IGSF21: variants seen among roughly 807,000 people sequenced by gnomAD.
IGSF21 encodes the protein immunoglobulin superfamily member 21.
A neutral mutation model predicts 46.8 loss-of-function variants in IGSF21; 28 were observed. The ratio of observed to expected loss-of-function variants is 0.60; its 90% CI spans 0.44 to 0.82. The LOEUF (loss-of-function observed/expected upper bound fraction) is 0.82. Among genes scored for constraint, IGSF21 ranks in the 40% least tolerant of loss-of-function variants. The pLI is 0.00. For synonymous variants in IGSF21, 284 were observed against 273.6 expected, an observed-to-expected ratio of 1.04 and a Z score of -0.38; for missense variants, 624 against 665.5, an observed-to-expected ratio of 0.94 and a Z score of 0.69.
intron 2 of IGSF21, among the ~76,000 whole-genome samples, chr1:18,260,039 C>A (rs2084931880): frequency 6.6e-6 from 1 of 152,212 alleles, no homozygotes; most frequent in East Asian, 1.9e-4. Flanking sequence ...ATAAAAACAT[C>A]CCCCTCATCG....
intron 2 of IGSF21, among the ~76,000 whole-genome samples, chr1:18,252,055 T>TTTG (rs950799334): frequency 1.5e-5 from 2 of 135,500 alleles, no homozygotes; most frequent in East Asian, 4.4e-4. Context: ...GTTTTTTTTT[T>TTTG]TTTTTTTTTT....
intron 2 of IGSF21, among the ~76,000 whole-genome samples, chr1:18,235,384 T>C (rs2084663390): frequency 6.6e-6 from 1 of 152,102 alleles, no homozygotes; most frequent in Admixed American, 6.5e-5. Flanking sequence ...GTTAAAAAGA[T>C]AAACAAATAA....
chr1:18,365,390 C>G lies in IGSF21; in HGVS notation c.708C>G (p.Asn236Lys), dbSNP rs991946488. ...QKSLSLLDAE[N>K]RGGRPYTERP... ...CACTGTCCCTCCTGGACGCCGAGAA[C>G]CGGGGTGGGCGACCCTACACGGAGC... Residue 236 changes from asparagine (N) to lysine (K), a missense_variant, in exon 6 of 10, where the codon AAC (asparagine) becomes AAG (lysine). Transcript: ENST00000251296. This position sits in a 1 kb window ranked among gnomAD's most constrained non-coding sequence, Gnocchi z 4.8. The G allele has an allele frequency of 1.9e-6, 3 of 1,614,054 alleles. No homozygotes were observed. Among genetic ancestry groups the G allele is most frequent in the East Asian group, 2.2e-5 (1 of 44,842 alleles).
At chr1:18,142,130 A>G (rs549966461) in intron 1 of IGSF21, among the ~76,000 whole-genome samples, 1 of 152,354 alleles carries the variant, frequency 6.6e-6, no homozygotes, top group East Asian at 1.9e-4. Context: ...AAAAATAAAC[A>G]AAACCAAAAC....
rs1307665703 is a variant in IGSF21 at position 18,365,611 on chromosome 1, AC to A, written c.932del (p.Pro311HisfsTer37). On this transcript the variant is annotated frameshift_variant, in exon 6 of 10. Transcript: ENST00000251296. LOFTEE classifies it high-confidence loss of function. The surrounding 1 kb of genome is among the most constrained non-coding windows in gnomAD (Gnocchi z 4.8). Reference sequence around the variant, plus strand: ...CGTGCCCTGCTCACCTGGACCCTCAACCCACAGATCGACAACGAGGCCCTCT... The same window carrying A: ...CGTGCCCTGCTCACCTGGACCCTCAACCACAGATCGACAACGAGGCCCTCT... ...EVRALLTWTL[N>X]PQIDNEALFS... The A allele has an allele frequency of 6.2e-7, 1 of 1,614,066 alleles. No individual in the cohort carries two copies. Among genetic ancestry groups the A allele is most frequent in the African/African-American group, 1.3e-5 (1 of 74,928 alleles).
At chr1:18,294,351 C>CA (rs983703872) in intron 3 of IGSF21, among the ~76,000 whole-genome samples, 33 of 152,068 alleles carry the variant, frequency 2.2e-4, no homozygotes, top group Non-Finnish European at 4.0e-4. Context: ...TAAAACAAAA[C>CA]AAAAAAAATT....
At chr1:18,138,106 G>T (rs923420428) in intron 1 of IGSF21, among the ~76,000 whole-genome samples, 2 of 152,172 alleles carry the variant, frequency 1.3e-5, no homozygotes, top group African/African-American at 4.8e-5. Context: ...CTGCCCCAGG[G>T]TTGGGCTGAA....
At position 18,175,485 on chromosome 1, in the gene IGSF21, C is replaced by T. The variant is rs145322211; in HGVS notation, c.71-52413C>T. ...GGAAGATGCCATGGAATAACAAGGGCAGCTCCTTGAGGGATGCTGCGGGGA... is the reference window on the plus strand; with the variant it reads ...GGAAGATGCCATGGAATAACAAGGGTAGCTCCTTGAGGGATGCTGCGGGGA... On this transcript the variant is annotated intron_variant, in intron 1 of 9. Coordinates refer to ENST00000251296, the MANE Select transcript of IGSF21 (RefSeq NM_032880.5). 3.9e-5 allele frequency among the ~76,000 whole-genome samples: 6 copies of T among 152,306 alleles called. No homozygotes were observed. The East Asian group carries it at 1.2e-3, about 29-fold the overall frequency.
intron 1 of IGSF21, among the ~76,000 whole-genome samples, chr1:18,129,892 G>T (rs569208339): frequency 6.6e-6 from 1 of 152,114 alleles, no homozygotes; most frequent in Non-Finnish European, 1.5e-5. Context: ...CCTTCCGCGC[G>T]CCTTCCAACA....
chr1:18,351,211 C>T (rs1330052761), intron 4 of IGSF21, among the ~76,000 whole-genome samples: 8 of 151,912 alleles, frequency 5.3e-5, no homozygotes, highest in Non-Finnish European at 7.4e-5. Flanking sequence ...CTAAAAAAGC[C>T]GTAACAACTA....
intron 6 of IGSF21, among the ~76,000 whole-genome samples, chr1:18,374,228 A>C (rs1350173115): frequency 6.6e-6 from 1 of 152,104 alleles, no homozygotes; most frequent in Non-Finnish European, 1.5e-5. Flanking sequence ...TCATTTTAAA[A>C]CCCAGAAACT....
chr1:18,226,712 G>A (rs964753402), intron 1 of IGSF21, among the ~76,000 whole-genome samples: 2 of 152,212 alleles, frequency 1.3e-5, no homozygotes, highest in African/African-American at 4.8e-5. Flanking sequence ...TTCCAGGCAG[G>A]GGTCAGGCCC....
chr1:18,183,923 G>A (rs1332417493), intron 1 of IGSF21, among the ~76,000 whole-genome samples: 1 of 152,170 alleles, frequency 6.6e-6, no homozygotes, highest in African/African-American at 2.4e-5. Flanking sequence ...CAAGTAACAT[G>A]ACAAAACCCC....
At chr1:18,343,088 G>C (rs1211427151) in intron 4 of IGSF21, among the ~76,000 whole-genome samples, 3 of 152,144 alleles carry the variant, frequency 2.0e-5, no homozygotes, top group African/African-American at 4.8e-5. Flanking sequence ...CCACATCTTT[G>C]TCGACACTTG....
rs1445652577 is a variant in IGSF21 at position 18,322,641 on chromosome 1, C to A, written c.306-12251C>A. On this transcript the variant is annotated intron_variant, in intron 3 of 9. Transcript: ENST00000251296. This position sits in a 1 kb window ranked among gnomAD's most constrained non-coding sequence, Gnocchi z 4.3. ...TCTGAAGAGCACGTGCCCCACGCCC[C>A]CTGCCTGCCAGTCCTGGGATGGCGT... 6.6e-6 allele frequency among the ~76,000 whole-genome samples: 1 copy of A among 152,154 alleles called. No individual in the cohort carries two copies. Among genetic ancestry groups the A allele is most frequent in the African/African-American group, 2.4e-5 (1 of 41,416 alleles).
At chr1:18,203,450 A>G (rs911818224) in intron 1 of IGSF21, among the ~76,000 whole-genome samples, 2 of 152,182 alleles carry the variant, frequency 1.3e-5, no homozygotes, top group African/African-American at 4.8e-5. Flanking sequence ...CTGAGACTAC[A>G]GGTGCATGCC....
chr1:18,215,578 A>C (rs2084436164), intron 1 of IGSF21, among the ~76,000 whole-genome samples: 1 of 152,180 alleles, frequency 6.6e-6, no homozygotes, highest in African/African-American at 2.4e-5. Context: ...ATGGGGGCAA[A>C]GTGACGGTCT....
chr1:18,333,064 T>G (rs2085730832), intron 3 of IGSF21, among the ~76,000 whole-genome samples: 1 of 152,066 alleles, frequency 6.6e-6, no homozygotes, highest in Non-Finnish European at 1.5e-5. Flanking sequence ...GGATAAGAAC[T>G]GGATTGAAAG....
At chr1:18,254,595 G>A (rs1261053391) in intron 2 of IGSF21, among the ~76,000 whole-genome samples, 2 of 152,146 alleles carry the variant, frequency 1.3e-5, no homozygotes, top group Non-Finnish European at 2.9e-5. Context: ...TAGTCTAGTA[G>A]GTGCCATTGA....
Sources: gnomAD v4.1 joint callset for allele counts (sites outside exome capture counted in the v4.1 genomes callset) on GRCh38, gnomAD v4.1.1 for gene constraint, Gnocchi (gnomAD v3.1) non-coding constraint, MANE v1.5 for transcripts, NCBI Gene and HGNC (gene_info 2026-07-23, HGNC 2026-07-21) for gene names.